The following DNAH17 variants were observed in gnomAD, a reference collection of about 807,000 sequenced individuals.
DNAH17 encodes dynein axonemal heavy chain 17, also known as axonemal beta dynein heavy chain 17.
In DNAH17, 376 loss-of-function variants were observed where a neutral mutation model predicts 485.6. The ratio of observed to expected loss-of-function variants is 0.77; its 90% confidence interval spans 0.71 to 0.84. The LOEUF (loss-of-function observed/expected upper bound fraction) is 0.84, where lower values mean the gene tolerates loss of function less well. Ranked by LOEUF, DNAH17 falls within the 40% of genes least tolerant of loss-of-function variation. The pLI is 0.00. For synonymous variants in DNAH17, 3,031 were observed against 2,405.9 expected, an observed-to-expected ratio of 1.26 and a Z score of -7.60; for missense variants, 6,370 against 5,839.3, an observed-to-expected ratio of 1.09 and a Z score of -2.96.
At chr17:78,552,632 G>A in intron 15 of DNAH17, 65 bp downstream of exon 15, 3 of 1,173,268 alleles carry the variant, frequency 2.6e-6, no homozygotes, top group East Asian at 2.3e-5. Flanking sequence ...GGTGTTTGAG[G>A]ACAGATGCTG....
rs762743829 is a variant in DNAH17, at chr17:78,494,172, A to C, written c.6272T>G (p.Ile2091Ser). 7 of 1,609,582 alleles carry C rather than the reference A, an allele frequency of 4.3e-6. No homozygotes were observed. Among genetic ancestry groups the C allele is most frequent in the Non-Finnish European group, 5.9e-6 (7 of 1,177,998 alleles). Residue 2091 changes from isoleucine (I) to serine (S), a missense_variant and splice_region_variant, in exon 41 of 81, where the codon ATC (isoleucine) becomes AGC (serine). Ile to Ser is a moderately radical substitution (Grantham distance 142, BLOSUM62 -2). Coordinates refer to ENST00000389840, the MANE Select transcript of DNAH17 (RefSeq NM_173628.4). ...GAGCTCCACGATGCTCTGCTTGATG[A>C]TCTGGGGAGACATGGATGAGGCTGG... is the stretch of plus-strand genomic sequence containing the variant. ...PRKRDLNFEK[I>S]IKQSIVELKL...
intron 13 of DNAH17, among the ~76,000 whole-genome samples, chr17:78,560,255 A>G (rs1414537906): frequency 6.6e-6 from 1 of 152,198 alleles, no homozygotes. Flanking sequence ...GTGAGTGGGA[A>G]GATTTCCAAG....
intron 14 of DNAH17, 41 bp from the exon 15 acceptor site, chr17:78,552,846 A>C: frequency 1.4e-6 from 2 of 1,431,460 alleles, no homozygotes; most frequent in Non-Finnish European, 9.9e-7. Flanking sequence ...GAGTCCAACC[A>C]GATTTTAAAT....
intron 72 of DNAH17, 98 bp from the exon 73 acceptor site, chr17:78,439,315 T>C: frequency 1.4e-6 from 2 of 1,399,440 alleles, no homozygotes; most frequent in South Asian, 1.4e-5. Context: ...GCCTCCCTCA[T>C]TTAGTTTCGG....
At chr17:78,510,357 A>G (rs2143072485) in intron 27 of DNAH17, 27 bp downstream of exon 27, 4 of 1,609,638 alleles carry the variant, frequency 2.5e-6, no homozygotes, top group Middle Eastern at 2.2e-4. Flanking sequence ...CCCACGTTGC[A>G]CAGACAGCAC....
rs772157563 is a variant in DNAH17, at chr17:78,574,806, G to A, written c.252C>T (p.Ser84=). The A allele has an allele frequency of 7.4e-6, 12 of 1,613,882 alleles. No individual in the cohort carries two copies. Among genetic ancestry groups the A allele is most frequent in the Middle Eastern group, 1.6e-4 (1 of 6,084 alleles). ...TGTAGTTGTCCTTGTTGATGTTCTC[G>A]GACTTTGTCTTGATGAAGTAAACCC... The part of the protein sequence containing the change: ...SKGVYFIKTK[S]ENINKDNYRA... Residue 84 remains serine (S), a synonymous_variant, in exon 2 of 81, where the codon TCC becomes TCT. Coordinates refer to ENST00000389840, the MANE Select transcript of DNAH17 (RefSeq NM_173628.4).
intron 56 of DNAH17, among the ~76,000 whole-genome samples, chr17:78,464,823 T>C (rs1175604857): frequency 6.6e-6 from 1 of 152,218 alleles, no homozygotes; most frequent in South Asian, 2.1e-4. Flanking sequence ...TGGCACAGGA[T>C]TGCAGGACAA....
intron 69 of DNAH17, among the ~76,000 whole-genome samples, chr17:78,448,636 A>G (rs1382492219): frequency 6.6e-6 from 1 of 152,222 alleles, no homozygotes; most frequent in East Asian, 1.9e-4. Flanking sequence ...GTGTTCCCCA[A>G]AAAGCATATG....
chr17:78,576,886 C>G (rs1161432665), intron 1 of DNAH17, among the ~76,000 whole-genome samples: 1 of 152,186 alleles, frequency 6.6e-6, no homozygotes, highest in Non-Finnish European at 1.5e-5. Context: ...CCAGCCGTTT[C>G]CTGGGCTGAA....
chr17:78,466,020 CG>C (rs2088432557), intron 56 of DNAH17, among the ~76,000 whole-genome samples: 1 of 152,170 alleles, frequency 6.6e-6, no homozygotes, highest in African/African-American at 2.4e-5. Flanking sequence ...ATTGAGAAAT[CG>C]GATGGTTGCC....
intron 19 of DNAH17, among the ~76,000 whole-genome samples, chr17:78,534,173 C>T (rs1439886441): frequency 2.0e-5 from 3 of 152,238 alleles, no homozygotes; most frequent in Non-Finnish European, 4.4e-5. Context: ...TTCCCCTGCC[C>T]TAAATCACCC....
At chr17:78,429,948 C>T (rs577798626) in intron 75 of DNAH17, among the ~76,000 whole-genome samples, 2 of 152,256 alleles carry the variant, frequency 1.3e-5, no homozygotes, top group East Asian at 3.9e-4. Context: ...CTTATCTGAC[C>T]TAGGCTGCCC....
chr17:78,495,332 C>A (rs2090029961), intron 38 of DNAH17, among the ~76,000 whole-genome samples: 1 of 152,156 alleles, frequency 6.6e-6, no homozygotes, highest in Admixed American at 6.5e-5. Flanking sequence ...GCCACCCCAA[C>A]CCCCCAACCC....
intron 36 of DNAH17, 30 bp downstream of exon 36, chr17:78,500,275 G>A (rs748419858): frequency 1.3e-6 from 2 of 1,589,050 alleles, no homozygotes; most frequent in East Asian, 2.3e-5. Context: ...AGAAGACTCT[G>A]GGTCCCTCCT....
chr17:78,432,213 A>AAATAAATAAATAAATAAAATT (rs1568042512), intron 75 of DNAH17, among the ~76,000 whole-genome samples: 87 of 151,668 alleles, frequency 5.7e-4, no homozygotes, highest in African/African-American at 1.7e-3. Context: ...TAAAATAAAT[A>AAATAAATAAATAAATAAAATT]AAAATTAAAA....
rs374165283 is a variant in DNAH17 at position 78,476,578 on chromosome 17, G to T, written c.8148C>A (p.Phe2716Leu). ...HRVTMASTKK[F>L]FDDLGDELLF... ...ACTGGGCAGCTTGACTTACATCAAA[G>T]AACTTCTTGGTGGAGGCCATGGTGA... Residue 2716 changes from phenylalanine (F) to leucine (L), a missense_variant, in exon 52 of 81, where the codon TTC becomes TTA. Phe to Leu is a conservative substitution (Grantham distance 22). Transcript: ENST00000389840. 9 of 1,609,504 alleles carry T rather than the reference G, an allele frequency of 5.6e-6. No individual in the cohort carries two copies. In the African/African-American group the frequency reaches 1.2e-4, roughly 21 times the overall value.
chr17:78,449,460 A>G lies in DNAH17; in HGVS notation c.11165T>C (p.Leu3722Pro). 6.4e-7 allele frequency: 1 copy of G among 1,555,616 alleles called. No homozygotes were observed. The highest frequency in any genetic ancestry group is 8.7e-7 in the Non-Finnish European group (1 of 1,149,196). Residue 3722 changes from leucine to proline, a missense_variant, in exon 69 of 81, where the codon CTC becomes CCC. Coordinates refer to ENST00000389840, the MANE Select transcript of DNAH17 (RefSeq NM_173628.4). ...GAAAATGAGTTTGTCCCTCTCGAAG[A>G]GTCCCCGGGCCGTGTACATGTAGAC... ...YSVYMYTARG[L>P]FERDKLIFLA...
chr17:78,544,873 C>T (rs777693646), intron 16 of DNAH17, among the ~76,000 whole-genome samples: 3 of 144,438 alleles, frequency 2.1e-5, no homozygotes, highest in Non-Finnish European at 4.5e-5. Flanking sequence ...TTACTGTTAT[C>T]TGTCATTAGA....
At chr17:78,454,804 G>T in intron 63 of DNAH17, 99 bp from the exon 64 acceptor site, 1 of 1,079,902 alleles carries the variant, frequency 9.3e-7, no homozygotes, top group Non-Finnish European at 1.3e-6. Flanking sequence ...GCTGCGGTTA[G>T]GGGTGGACCA....
Sources: gnomAD v4.1 joint callset for allele counts (sites outside exome capture counted in the v4.1 genomes callset) on GRCh38, gnomAD v4.1.1 for gene constraint, MANE v1.5 for transcripts, NCBI Gene and HGNC (gene_info 2026-07-23, HGNC 2026-07-21) for gene names.